The following CACNG8 variants were observed in gnomAD, a reference collection of about 807,000 sequenced individuals.
CACNG8 encodes calcium voltage-gated channel auxiliary subunit gamma 8.
In CACNG8, 5 loss-of-function variants were observed where a neutral mutation model predicts 26.9. The observed-to-expected ratio is 0.19, with a 90% CI of 0.10 to 0.39. The LOEUF (loss-of-function observed/expected upper bound fraction) is 0.39. Among genes scored for constraint, CACNG8 ranks in the 10% least tolerant of loss-of-function variants. The probability of loss-of-function intolerance (pLI) is 1.00; values close to 1 mark genes in which losing one functional copy is unlikely to be tolerated. For missense variants in CACNG8, 473 were observed against 609.4 expected (o/e 0.78, Z 2.36); for synonymous variants, 321 against 296.7 (o/e 1.08, Z -0.84).
At position 53,977,699 on chromosome 19, in the gene CACNG8, G is replaced by A. The variant is rs1197964551; in HGVS notation, c.284-447G>A. ...CTCATGGGAAATGTAGTCCTCATCG[G>A]CTTCCGCATCACTTTCCTTGTTTTT... On this transcript the variant is annotated intron_variant, in intron 1 of 3. Transcript: ENST00000270458. Among the ~76,000 whole-genome samples, 5 of 152,302 alleles carry A rather than the reference G, an allele frequency of 3.3e-5. No individual in the cohort carries two copies. The East Asian group carries it at 9.7e-4, about 29-fold the overall frequency.
chr19:53,982,597 C>A lies in CACNG8; in HGVS notation c.1026C>A (p.Gly342=), dbSNP rs2069378091. Residue 342 remains glycine (G), a synonymous_variant, in exon 4 of 4, where the codon GGC becomes GGA. Coordinates refer to ENST00000270458, the MANE Select transcript of CACNG8 (RefSeq NM_031895.6). This position sits in a 1 kb window ranked among gnomAD's most constrained non-coding sequence, Gnocchi z 8.4. ...GGGCGTTCGGCGGCGCGGCCGGGGG[C>A]GCCGGGGGCGGCGGCGGAGGCGGCG... 1.1e-6 allele frequency: 1 copy of A among 951,376 alleles called. No homozygotes were observed. The highest frequency in any genetic ancestry group is 1.2e-6 in the Non-Finnish European group (1 of 802,018). The allele number at this position is 951,376 out of a possible 1,614,324, so 58.9% of individuals were successfully genotyped here.
intron 2 of CACNG8, among the ~76,000 whole-genome samples, chr19:53,978,727 G>A (rs998927771): frequency 6.8e-6 from 1 of 147,988 alleles, no homozygotes; most frequent in African/African-American, 2.5e-5. Flanking sequence ...TGGGGTTTTA[G>A]GGGTGGGTGG....
intron 1 of CACNG8, among the ~76,000 whole-genome samples, chr19:53,976,826 C>T (rs1032412458): frequency 6.6e-6 from 1 of 152,154 alleles, no homozygotes; most frequent in East Asian, 1.9e-4. Flanking sequence ...GCACCCGCCA[C>T]CATGCCCAGC....
chr19:53,973,541 T>A (rs770661575), intron 1 of CACNG8, among the ~76,000 whole-genome samples: 76 of 140,714 alleles, frequency 5.4e-4, no homozygotes, highest in Non-Finnish European at 1.4e-4. Flanking sequence ...AATAAATAAA[T>A]AAAAACTGGA....
intron 1 of CACNG8, among the ~76,000 whole-genome samples, chr19:53,973,592 C>T (rs551628790): frequency 1.3e-4 from 20 of 151,702 alleles, no homozygotes; most frequent in African/African-American, 4.4e-4. Context: ...TTTGGAAGGC[C>T]GAGGCAGGAG....
chr19:53,982,236 T>A lies in CACNG8; in HGVS notation c.665T>A (p.Leu222Gln), dbSNP rs763758389. ...ATCCTGGCCGAGGTGATAGGCGTGC[T>A]GGCCGTCAACATCTACATCGAGCGC... Residue 222 changes from leucine to glutamine, a missense_variant, in exon 4 of 4, where the codon CTG becomes CAG. Coordinates refer to ENST00000270458, the MANE Select transcript of CACNG8 (RefSeq NM_031895.6). The surrounding 1 kb of genome is among the most constrained non-coding windows in gnomAD (Gnocchi z 8.4). The A allele has an allele frequency of 6.2e-7, 1 of 1,612,994 alleles. No individual in the cohort carries two copies. Among genetic ancestry groups the A allele is most frequent in the Non-Finnish European group, 8.5e-7 (1 of 1,179,726 alleles).
rs574444599 is a variant in CACNG8 at position 53,982,152 on chromosome 19, A to G, written c.581A>G (p.Glu194Gly). 12 of 1,612,630 alleles carry G rather than the reference A, an allele frequency of 7.4e-6. No individual in the cohort carries two copies. In the African/African-American group the frequency reaches 1.6e-4, roughly 21 times the overall value. Residue 194 changes from glutamate (E) to glycine (G), a missense_variant, in exon 4 of 4, where the codon GAG becomes GGG. Around this residue, in one of 6 missense-constraint regions of CACNG8, gnomAD observed 155 missense variants for 253.0 expected, o/e 0.61. Transcript: ENST00000270458. The surrounding 1 kb of genome is among the most constrained non-coding windows in gnomAD (Gnocchi z 8.4). ...GGCGAGCCGGGCCCGAAGCGGGACG[A>G]GGAGAAGAAAAACCACTACTCGTAC...
chr19:53,965,830 T>C (rs2069269271), intron 1 of CACNG8, among the ~76,000 whole-genome samples: 1 of 151,548 alleles, frequency 6.6e-6, no homozygotes, highest in African/African-American at 2.4e-5. Context: ...AGATAAGGAA[T>C]CTAGGAAAAG....
intron 1 of CACNG8, among the ~76,000 whole-genome samples, chr19:53,977,671 G>C (rs140513590): frequency 2.6e-5 from 4 of 152,234 alleles, no homozygotes; most frequent in African/African-American, 9.6e-5. Flanking sequence ...GACTTCACGG[G>C]GTCTCATGGG....
In CACNG8 at chr19:53,984,807, G is replaced by C. The variant is rs1244765144; in HGVS notation, c.*1958G>C. On this transcript the variant is annotated 3_prime_UTR_variant, in exon 4 of 4. Coordinates refer to ENST00000270458, the MANE Select transcript of CACNG8 (RefSeq NM_031895.6). Reference sequence around the variant, plus strand: ...CTCTACAAAACATTAAAAAAAATTAGCCGGGCGTGGTGGAGCACACCTGTG... The same window carrying C: ...CTCTACAAAACATTAAAAAAAATTACCCGGGCGTGGTGGAGCACACCTGTG... The C allele has an allele frequency of 1.3e-5, 2 of 152,118 alleles. No homozygotes were observed. Among genetic ancestry groups the C allele is most frequent in the African/African-American group, 2.4e-5 (1 of 41,392 alleles). 9.4% of individuals were successfully genotyped at this position (152,118 alleles called of 1,614,324 possible). A position where few individuals can be genotyped will look rare whatever the true frequency, so the allele number is the denominator to read the frequency against.
chr19:53,980,678 CTGAT>C (rs1380329158), intron 3 of CACNG8, among the ~76,000 whole-genome samples: 2 of 152,124 alleles, frequency 1.3e-5, no homozygotes, highest in Non-Finnish European at 2.9e-5. Flanking sequence ...ATCAACCTGG[CTGAT>C]TGAAGCAAGA....
Position 53,963,394 on chromosome 19 carries a change from C to A in CACNG8, c.252C>A (p.His84Gln). ...AGAAGGACCCCGGCGGCCTCACGCA[C>A]TCGGGCCTCTGGAGGATCTGCTGCC... Residue 84 changes from histidine (H) to glutamine (Q), a missense_variant, in exon 1 of 4, where the codon CAC becomes CAA. His to Gln is a conservative substitution (Grantham distance 24). Around this residue, in one of 6 missense-constraint regions of CACNG8, gnomAD observed 69 missense variants for 66.7 expected, o/e 1.03. Transcript: ENST00000270458. 2 of 1,570,280 alleles carry A rather than the reference C, an allele frequency of 1.3e-6. No homozygotes were observed. Among genetic ancestry groups the A allele is most frequent in the South Asian group, 1.1e-5 (1 of 87,756 alleles).
chr19:53,963,493 G>T, intron 1 of CACNG8, 68 bp downstream of exon 1: 1 of 1,389,400 alleles, frequency 7.2e-7, no homozygotes, highest in Non-Finnish European at 9.3e-7. Flanking sequence ...GCCTCCCGGG[G>T]CTGCCTGTCC....
At chr19:53,968,964 G>T (rs551671302) in intron 1 of CACNG8, among the ~76,000 whole-genome samples, 1 of 151,804 alleles carries the variant, frequency 6.6e-6, no homozygotes, top group South Asian at 2.1e-4. Context: ...CACTGAATGC[G>T]CACAATAACC....
At position 53,982,605 on chromosome 19, in the gene CACNG8, G is replaced by A. The variant is rs1399913704; in HGVS notation, c.1034G>A (p.Gly345Asp). The change falls in exon 4 of 4, where the codon GGC becomes GAC. Residue 345 changes from glycine (G) to aspartate (D), a missense_variant. Physicochemically the swap from Gly to Asp is moderately conservative, Grantham distance 94. Transcript: ENST00000270458. This position sits in a 1 kb window ranked among gnomAD's most constrained non-coding sequence, Gnocchi z 8.4. ...GGCGGCGCGGCCGGGGGCGCCGGGG[G>A]CGGCGGCGGAGGCGGCGGCGGGGCG... 4.0e-5 allele frequency: 39 copies of A among 974,916 alleles called. No homozygotes were observed. The highest frequency in any genetic ancestry group is 2.9e-5 in the Non-Finnish European group (24 of 822,774). The allele number at this position is 974,916 out of a possible 1,614,324, so 60.4% of individuals were successfully genotyped here. A position where few individuals can be genotyped will look rare whatever the true frequency, so the allele number is the denominator to read the frequency against.
At chr19:53,964,269 C>T (rs1034993383) in intron 1 of CACNG8, among the ~76,000 whole-genome samples, 4 of 151,550 alleles carry the variant, frequency 2.6e-5, no homozygotes, top group Admixed American at 6.6e-5. Flanking sequence ...CCCAGTCTTC[C>T]GGTCTGTCTC....
At chr19:53,978,259 A>G (rs768558621) in intron 2 of CACNG8, 30 bp downstream of exon 2, 13 of 1,578,578 alleles carry the variant, frequency 8.2e-6, no homozygotes, top group Admixed American at 3.4e-5. Context: ...AGACGTGGGG[A>G]GTGGGTCAAA....
At position 53,982,578 on chromosome 19, in the gene CACNG8, T is replaced by C. The variant is rs1286659052; in HGVS notation, c.1007T>C (p.Phe336Ser). The C allele has an allele frequency of 1.0e-6, 1 of 973,990 alleles. No individual in the cohort carries two copies. The highest frequency in any genetic ancestry group is 1.2e-6 in the Non-Finnish European group (1 of 823,014). 60.3% of individuals were successfully genotyped at this position (973,990 alleles called of 1,614,324 possible). A position where few individuals can be genotyped will look rare whatever the true frequency, so the allele number is the denominator to read the frequency against. Residue 336 changes from phenylalanine (F) to serine (S), a missense_variant, in exon 4 of 4, where the codon TTC (phenylalanine) becomes TCC (serine). Phe to Ser is a radical substitution (Grantham distance 155, BLOSUM62 -2). Around this residue, in one of 6 missense-constraint regions of CACNG8, gnomAD observed 212 missense variants for 214.4 expected, o/e 0.99. Coordinates refer to ENST00000270458, the MANE Select transcript of CACNG8 (RefSeq NM_031895.6). This position sits in a 1 kb window ranked among gnomAD's most constrained non-coding sequence, Gnocchi z 8.4. ...GGCGGCGGCGGCGCCGTGGGGGCGTTCGGCGGCGCGGCCGGGGGCGCCGGG... is the reference window on the plus strand; with the variant it reads ...GGCGGCGGCGGCGCCGTGGGGGCGTCCGGCGGCGCGGCCGGGGGCGCCGGG...
In CACNG8 at chr19:53,985,700, G is replaced by T. The variant is rs1410010543; in HGVS notation, c.*2851G>T. On this transcript the variant is annotated 3_prime_UTR_variant, in exon 4 of 4. Coordinates refer to ENST00000270458, the MANE Select transcript of CACNG8 (RefSeq NM_031895.6). ...AATACAAAAATTAGCCGGGTGTGGT[G>T]GTGCACGCCTGTAGTCCCGGCTACT... 6.6e-6 allele frequency: 1 copy of T among 152,130 alleles called. No individual in the cohort carries two copies. Among genetic ancestry groups the T allele is most frequent in the Non-Finnish European group, 1.5e-5 (1 of 68,062 alleles). The allele number at this position is 152,130 out of a possible 1,614,324, so 9.4% of individuals were successfully genotyped here. A position where few individuals can be genotyped will look rare whatever the true frequency, so the allele number is the denominator to read the frequency against.
Sources: gnomAD v4.1 joint callset for allele counts (sites outside exome capture counted in the v4.1 genomes callset) on GRCh38, gnomAD v4.1.1 for gene constraint, gnomAD v4.1.1 regional missense constraint, Gnocchi (gnomAD v3.1) non-coding constraint, MANE v1.5 for transcripts, NCBI Gene and HGNC (gene_info 2026-07-23, HGNC 2026-07-21) for gene names.